ZNF609: variants seen among roughly 807,000 people sequenced by gnomAD.
The protein encoded by ZNF609 is zinc finger protein 609.
In ZNF609, 11 loss-of-function variants were observed where a neutral mutation model predicts 109.5. The ratio of observed to expected loss-of-function variants is 0.10; its 90% CI spans 0.06 to 0.17. The LOEUF is 0.17. ZNF609 is among the 10% of genes least tolerant of loss of function. ZNF609 has a pLI of 1.00. For missense variants in ZNF609, 1,559 were observed against 1,772.4 expected, an observed-to-expected ratio of 0.88 and a Z score of 2.16; for synonymous variants, 646 against 662.0, an observed-to-expected ratio of 0.98 and a Z score of 0.37.
intron 1 of ZNF609, among the ~76,000 whole-genome samples, chr15:64,475,090 G>C (rs1313315012): frequency 8.2e-6 from 1 of 122,192 alleles, no homozygotes; most frequent in African/African-American, 3.0e-5. Flanking sequence ...AGCATACCCA[G>C]TTTATCCTTT....
intron 2 of ZNF609, among the ~76,000 whole-genome samples, chr15:64,560,494 C>T (rs78964183): frequency 1.6e-4 from 24 of 151,902 alleles, no homozygotes; most frequent in Non-Finnish European, 2.6e-4. Flanking sequence ...TTCCTGAAAT[C>T]GAAATATTCT....
At chr15:64,625,932 TATATAGAGAG>T (rs1317138591) in intron 3 of ZNF609, among the ~76,000 whole-genome samples, 839 of 74,544 alleles carry the variant, frequency 0.011, 8 homozygotes, top group African/African-American at 0.041. Context: ...TATATATATA[TATATAGAGAG>T]AGAGAGAGAG....
chr15:64,483,120 A>C (rs529875690), intron 1 of ZNF609, among the ~76,000 whole-genome samples: 57 of 149,948 alleles, frequency 3.8e-4, no homozygotes, highest in African/African-American at 1.4e-3. Context: ...CCTGAGATGG[A>C]GTTTCACTCT....
intron 2 of ZNF609, among the ~76,000 whole-genome samples, chr15:64,553,269 T>TCAA (rs1184997802): frequency 2.1e-5 from 3 of 140,598 alleles, no homozygotes; most frequent in African/African-American, 7.6e-5. Flanking sequence ...GTCCATGCCT[T>TCAA]AAAAAAAAAA....
intron 1 of ZNF609, among the ~76,000 whole-genome samples, chr15:64,463,612 A>G (rs560484373): frequency 1.1e-3 from 171 of 152,332 alleles, no homozygotes; most frequent in Admixed American, 2.8e-3. Flanking sequence ...TTTCTGAGGC[A>G]ATTAGTCTGT....
intron 2 of ZNF609, among the ~76,000 whole-genome samples, chr15:64,616,992 G>C (rs1253670460): frequency 6.6e-6 from 1 of 150,452 alleles, no homozygotes; most frequent in Non-Finnish European, 1.5e-5. Flanking sequence ...ATTTTTAGTA[G>C]AGATGGGGTT....
At chr15:64,671,284 A>G (rs952678258) in intron 4 of ZNF609, 5 of 151,992 alleles carry the variant, frequency 3.3e-5, no homozygotes, top group African/African-American at 1.2e-4. Flanking sequence ...AGTGGTACAT[A>G]TACTAAAATT....
chr15:64,543,255 C>CTTTT (rs77646116), intron 2 of ZNF609, among the ~76,000 whole-genome samples: 2 of 113,316 alleles, frequency 1.8e-5, no homozygotes, highest in Admixed American at 9.1e-5. Flanking sequence ...TTTGTTGTTG[C>CTTTT]TTTTTTTTTT....
intron 2 of ZNF609, among the ~76,000 whole-genome samples, chr15:64,603,119 C>T (rs1895531283): frequency 1.3e-5 from 2 of 151,716 alleles, no homozygotes; most frequent in African/African-American, 2.4e-5. Context: ...TAAAGTTGAA[C>T]TTGCTTTCTC....
At chr15:64,558,830 T>C (rs1442641017) in intron 2 of ZNF609, among the ~76,000 whole-genome samples, 1 of 152,204 alleles carries the variant, frequency 6.6e-6, no homozygotes, top group Non-Finnish European at 1.5e-5. Flanking sequence ...GAGGTTTATT[T>C]CAAAGAATTT....
In ZNF609 at chr15:64,496,223, G is replaced by A. The variant is rs562779360; in HGVS notation, c.-127-3070G>A. 9.2e-5 allele frequency among the ~76,000 whole-genome samples: 14 copies of A among 152,360 alleles called. No homozygotes were observed. In the South Asian group the frequency reaches 2.5e-3, roughly 27 times the overall value. On this transcript the variant is annotated intron_variant, in intron 1 of 9. Transcript: ENST00000326648. ...GACTGAGAACTGTCAGAAGCTCTCAGTGAGCACTAACATTTTTCTGTTTCA... is the reference window on the plus strand; with the variant it reads ...GACTGAGAACTGTCAGAAGCTCTCAATGAGCACTAACATTTTTCTGTTTCA...
chr15:64,490,336 C>T (rs186722286), intron 1 of ZNF609, among the ~76,000 whole-genome samples: 9 of 148,964 alleles, frequency 6.0e-5, no homozygotes, highest in African/African-American at 1.2e-4. Context: ...TGCAATGGCA[C>T]GGTCTCGGCT....
intron 3 of ZNF609, among the ~76,000 whole-genome samples, chr15:64,639,786 T>C (rs1896226622): frequency 6.6e-6 from 1 of 152,166 alleles, no homozygotes; most frequent in South Asian, 2.1e-4. Flanking sequence ...ATAATTATTG[T>C]CACAAGTTGG....
intron 1 of ZNF609, among the ~76,000 whole-genome samples, chr15:64,473,546 C>G (rs1893123327): frequency 6.6e-6 from 1 of 151,756 alleles, no homozygotes; most frequent in Non-Finnish European, 1.5e-5. Context: ...GAATCATTCA[C>G]CAAATTACGT....
intron 3 of ZNF609, chr15:64,631,175 G>A: frequency 1.6e-6 from 1 of 612,994 alleles, no homozygotes; most frequent in Non-Finnish European, 3.1e-6. Context: ...TTCTCACAAA[G>A]TGTGCTTCTC....
At chr15:64,552,605 C>T (rs940569368) in intron 2 of ZNF609, among the ~76,000 whole-genome samples, 4 of 152,100 alleles carry the variant, frequency 2.6e-5, no homozygotes, top group African/African-American at 9.7e-5. Context: ...CCACCTGCTT[C>T]GGCCTCCCAA....
At chr15:64,477,026 T>C (rs1297878703) in intron 1 of ZNF609, among the ~76,000 whole-genome samples, 1 of 152,156 alleles carries the variant, frequency 6.6e-6, no homozygotes, top group Non-Finnish European at 1.5e-5. Context: ...GAAGTCTCAG[T>C]ACCTAATTTC....
intron 2 of ZNF609, among the ~76,000 whole-genome samples, chr15:64,617,684 G>T (rs545118157): frequency 6.6e-6 from 1 of 152,274 alleles, no homozygotes; most frequent in African/African-American, 2.4e-5. Flanking sequence ...GGAGGCTGAG[G>T]TAGGAGAATC....
At chr15:64,654,328 T>C (rs1239747532) in intron 3 of ZNF609, 1 of 152,234 alleles carries the variant, frequency 6.6e-6, no homozygotes, top group Admixed American at 6.5e-5. Flanking sequence ...CGAGCCATCA[T>C]GCCCCGCCAT....
Sources: allele counts gnomAD v4.1 joint callset (sites outside exome capture counted in the v4.1 genomes callset), GRCh38; gene constraint gnomAD v4.1.1; transcripts MANE v1.5; gene names NCBI Gene and HGNC (gene_info 2026-07-23, HGNC 2026-07-21).